The following GRIK4 variants were observed in gnomAD, a reference collection of about 807,000 sequenced individuals.
GRIK4 encodes the protein glutamate ionotropic receptor kainate type subunit 4.
Under a neutral mutation model 104.9 loss-of-function variants are expected in GRIK4, and 40 were observed. The ratio of observed to expected loss-of-function variants is 0.38; its 90% CI spans 0.30 to 0.50. The LOEUF (loss-of-function observed/expected upper bound fraction) is 0.50, where lower values mean the gene tolerates loss of function less well. GRIK4 is among the 20% of genes least tolerant of loss of function. The pLI, the probability that GRIK4 is intolerant of heterozygous loss-of-function variation, is 0.93. For synonymous variants in GRIK4, 485 were observed against 524.9 expected (o/e 0.92, Z 1.04); for missense variants, 1,047 against 1,308.1 (o/e 0.80, Z 3.08).
chr11:120,808,716 G>C (rs1052474514), intron 4 of GRIK4, among the ~76,000 whole-genome samples: 1 of 152,200 alleles, frequency 6.6e-6, no homozygotes. Context: ...TGGTTCTTTG[G>C]AAGTGATGAG....
intron 3 of GRIK4, among the ~76,000 whole-genome samples, chr11:120,700,962 T>C (rs1456481996): frequency 6.6e-6 from 1 of 152,212 alleles, no homozygotes; most frequent in East Asian, 1.9e-4. Flanking sequence ...CTTACCACTG[T>C]ATTACAGTTG....
intron 3 of GRIK4, among the ~76,000 whole-genome samples, chr11:120,667,232 T>C (rs568929234): frequency 1.3e-5 from 2 of 152,370 alleles, no homozygotes; most frequent in Admixed American, 6.5e-5. Flanking sequence ...GAGCTTAGAA[T>C]TGAGGCAACC....
At chr11:120,858,262 G>A (rs1208370443) in intron 8 of GRIK4, 1 of 152,166 alleles carries the variant, frequency 6.6e-6, no homozygotes, top group African/African-American at 2.4e-5. Flanking sequence ...CAAGATGGGT[G>A]GGCAGCGGAA....
chr11:120,634,347 G>A (rs562941297), intron 1 of GRIK4, among the ~76,000 whole-genome samples: 4 of 152,260 alleles, frequency 2.6e-5, no homozygotes, highest in African/African-American at 9.6e-5. Context: ...CAGCAAACAG[G>A]AGGCGGAGCT....
intron 1 of GRIK4, among the ~76,000 whole-genome samples, chr11:120,530,869 CAGTG>C (rs1406735392): frequency 6.6e-6 from 1 of 152,212 alleles, no homozygotes; most frequent in Non-Finnish European, 1.5e-5. Context: ...CGCTTCCCTA[CAGTG>C]GACGGCACCT....
intron 6 of GRIK4, among the ~76,000 whole-genome samples, chr11:120,823,650 T>G (rs964198831): frequency 2.6e-5 from 4 of 152,142 alleles, no homozygotes; most frequent in African/African-American, 9.7e-5. Context: ...GGTTCGAGGG[T>G]GGGCTCTGCC....
chr11:120,957,777 G>A (rs1043169545), intron 16 of GRIK4, among the ~76,000 whole-genome samples: 3 of 152,152 alleles, frequency 2.0e-5, no homozygotes, highest in Non-Finnish European at 2.9e-5. Flanking sequence ...GAAAGGTGAT[G>A]TTTCCACCCT....
chr11:120,534,607 A>C (rs1947954714), intron 1 of GRIK4, among the ~76,000 whole-genome samples: 1 of 152,140 alleles, frequency 6.6e-6, no homozygotes, highest in Non-Finnish European at 1.5e-5. Flanking sequence ...AGAATGGGGG[A>C]TAGTCCATGG....
intron 1 of GRIK4, among the ~76,000 whole-genome samples, chr11:120,563,845 G>T (rs1387333395): frequency 7.2e-5 from 11 of 152,186 alleles, no homozygotes; most frequent in Non-Finnish European, 1.2e-4. Context: ...ACCAGTTCTG[G>T]CGCCTCCCAC....
intron 1 of GRIK4, among the ~76,000 whole-genome samples, chr11:120,523,227 C>T (rs1003568963): frequency 7.9e-5 from 12 of 151,104 alleles, no homozygotes; most frequent in Non-Finnish European, 1.0e-4. Context: ...TGAAACGTAA[C>T]GGTCCTGCCA....
rs1950951061 is a variant in GRIK4 at position 120,722,490 on chromosome 11, C to A, written c.82+62090C>A. Among the ~76,000 whole-genome samples the A allele has an allele frequency of 2.0e-5, 3 of 152,108 alleles. No individual in the cohort carries two copies. In the South Asian group the frequency reaches 6.2e-4, roughly 32 times the overall value. On this transcript the variant is annotated intron_variant, in intron 3 of 20. Transcript: ENST00000527524. ...GGACGTGGTGGAGCATGCCTGTAAT[C>A]CCAGCTACTTGGGAGGCTGAGGCAG...
At chr11:120,808,590 A>C (rs928575698) in intron 4 of GRIK4, among the ~76,000 whole-genome samples, 25 of 152,172 alleles carry the variant, frequency 1.6e-4, no homozygotes, top group Admixed American at 1.6e-3. Flanking sequence ...TCATGCCCTC[A>C]CACACTTTCT....
intron 2 of GRIK4, among the ~76,000 whole-genome samples, chr11:120,660,063 C>T (rs1949784982): frequency 1.3e-5 from 2 of 152,200 alleles, no homozygotes; most frequent in African/African-American, 4.8e-5. Context: ...TTTCTAATGA[C>T]ACGCCATGAA....
intron 3 of GRIK4, among the ~76,000 whole-genome samples, chr11:120,722,133 TG>T (rs1193501015): frequency 6.6e-6 from 1 of 152,210 alleles, no homozygotes; most frequent in Non-Finnish European, 1.5e-5. Context: ...CTGCGGCTTC[TG>T]TAGTGGGTGC....
chr11:120,682,337 C>T (rs1950207183), intron 3 of GRIK4, among the ~76,000 whole-genome samples: 1 of 152,222 alleles, frequency 6.6e-6, no homozygotes, highest in South Asian at 2.1e-4. Context: ...CCCAGCGAGG[C>T]TTCACTTGAG....
At chr11:120,695,174 G>GT (rs1950422978) in intron 3 of GRIK4, among the ~76,000 whole-genome samples, 1 of 152,216 alleles carries the variant, frequency 6.6e-6, no homozygotes, top group Non-Finnish European at 1.5e-5. Flanking sequence ...GAGCATGGGG[G>GT]GTGTTCATTC....
chr11:120,699,684 G>A (rs1669118209), intron 3 of GRIK4, among the ~76,000 whole-genome samples: 1 of 152,128 alleles, frequency 6.6e-6, no homozygotes, highest in African/African-American at 2.4e-5. Context: ...GGGTGGGCAT[G>A]GAAAACCTCT....
intron 1 of GRIK4, chr11:120,619,900 A>T: frequency 3.8e-6 from 1 of 266,570 alleles, no homozygotes. Context: ...AATACTGAAA[A>T]GAGTTAACAG....
intron 3 of GRIK4, among the ~76,000 whole-genome samples, chr11:120,800,459 G>T (rs950297523): frequency 1.3e-5 from 2 of 152,154 alleles, no homozygotes; most frequent in East Asian, 3.8e-4. Flanking sequence ...CGTGCTTCCC[G>T]CAGGTGGGGG....
Sources: gnomAD v4.1 joint callset for allele counts (sites outside exome capture counted in the v4.1 genomes callset) on GRCh38, gnomAD v4.1.1 for gene constraint, MANE v1.5 for transcripts, NCBI Gene and HGNC (gene_info 2026-07-23, HGNC 2026-07-21) for gene names.